Variants in AKR1C3 observed in about 807,000 individuals in gnomAD.
The protein encoded by AKR1C3 is 3-alpha hydroxysteroid dehydrogenase, type II.
Under a neutral mutation model 43.6 loss-of-function variants are expected in AKR1C3, and 48 were observed. That is an observed-to-expected ratio of 1.10 (90% CI 0.87 to 1.40). The LOEUF (loss-of-function observed/expected upper bound fraction) is 1.40, where lower values mean the gene tolerates loss of function less well. AKR1C3 is among the 40% of genes most tolerant of loss of function. AKR1C3 has a pLI of 0.00. For missense variants in AKR1C3, 482 were observed against 391.2 expected (o/e 1.23, Z -1.96); for synonymous variants, 162 against 139.6 (o/e 1.16, Z -1.13).
Position 5,102,576 on chromosome 10 carries a change from C to T in AKR1C3, c.772C>T (p.Arg258Cys), listed in dbSNP as rs62621365. ...GCGAACCCCAGCCCTGATTGCCCTG[C>T]GCTACCAGCTGCAGCGTGGGGTTGT... ...HKRTPALIAL[R>C]YQLQRGVVVL... The change falls in exon 7 of 9, where the codon CGC (arginine) becomes TGC (cysteine). Residue 258 changes from arginine (R) to cysteine (C), a missense_variant. Physicochemically the swap from Arg to Cys is radical, Grantham distance 180. Coordinates refer to ENST00000380554, the MANE Select transcript of AKR1C3 (RefSeq NM_003739.6). The T allele has an allele frequency of 6.9e-3, 10,795 of 1,557,554 alleles. 486 individuals carry two copies. In the Admixed American group the frequency reaches 0.095, roughly 14 times the overall value.
At chr10:5,053,685 C>T (rs1480369870) in intron 1 of AKR1C3, among the ~76,000 whole-genome samples, 1 of 152,220 alleles carries the variant, frequency 6.6e-6, no homozygotes, top group Non-Finnish European at 1.5e-5. Flanking sequence ...AAACAGGACA[C>T]CCTAACTGCT....
chr10:5,099,195 T>A (rs1839288090), intron 4 of AKR1C3, 132 bp from the exon 5 acceptor site: 2 of 1,468,028 alleles, frequency 1.4e-6, no homozygotes, highest in Non-Finnish European at 1.8e-6. Context: ...GAATTTTTCT[T>A]TTTTTGACAA....
At chr10:5,086,355 G>C (rs1838964118) in intron 1 of AKR1C3, among the ~76,000 whole-genome samples, 1 of 151,478 alleles carries the variant, frequency 6.6e-6, no homozygotes, top group African/African-American at 2.4e-5. Context: ...TTCAGGAGCA[G>C]GTTGTTCAGT....
intron 1 of AKR1C3, among the ~76,000 whole-genome samples, chr10:5,085,264 T>C (rs1341441650): frequency 1.3e-5 from 2 of 151,956 alleles, no homozygotes; most frequent in African/African-American, 4.8e-5. Flanking sequence ...ATACCTAATT[T>C]ATTGAGAGTT....
At chr10:5,075,186 T>G (rs528630500) in intron 1 of AKR1C3, among the ~76,000 whole-genome samples, 1 of 149,772 alleles carries the variant, frequency 6.7e-6, no homozygotes, top group South Asian at 2.2e-4. Flanking sequence ...TGCCAAGATT[T>G]AAGTCCCTCT....
intron 1 of AKR1C3, among the ~76,000 whole-genome samples, chr10:5,068,176 CATAATT>C (rs1183212670): frequency 1.3e-5 from 2 of 151,746 alleles, no homozygotes; most frequent in Non-Finnish European, 2.9e-5. Flanking sequence ...ACATAATAAT[CATAATT>C]ATAGTTGATG....
chr10:5,059,253 A>T (rs755466914), intron 1 of AKR1C3, among the ~76,000 whole-genome samples: 14 of 152,282 alleles, frequency 9.2e-5, no homozygotes, highest in Non-Finnish European at 1.6e-4. Context: ...CTTATGGGAG[A>T]AACTAGAAAA....
At chr10:5,099,532 C>G in intron 5 of AKR1C3, 83 bp downstream of exon 5, 1 of 1,591,390 alleles carries the variant, frequency 6.3e-7, no homozygotes, top group East Asian at 2.2e-5. Flanking sequence ...TTGTTTTGTC[C>G]CAGTTATCTT....
At chr10:5,092,396 TCTC>T (rs1839113221), upstream of AKR1C3, among the ~76,000 whole-genome samples, 2 of 151,970 alleles carry the variant, frequency 1.3e-5, no homozygotes, top group Non-Finnish European at 2.9e-5. Flanking sequence ...GGCTCCTGCT[TCTC>T]CTTCTCAGAA....
At chr10:5,105,345 C>G in intron 7 of AKR1C3, 1 of 309,904 alleles carries the variant, frequency 3.2e-6, no homozygotes, top group Non-Finnish European at 5.9e-6. Flanking sequence ...GCTGTTTCTT[C>G]TCCATTTTCT....
At chr10:5,091,837 A>C (rs1839097490), upstream of AKR1C3, among the ~76,000 whole-genome samples, 2 of 152,120 alleles carry the variant, frequency 1.3e-5, no homozygotes, top group Non-Finnish European at 2.9e-5. Flanking sequence ...ATAAAACCAA[A>C]CTTTCAAAAA....
chr10:5,063,939 G>T (rs1428162993), intron 1 of AKR1C3, among the ~76,000 whole-genome samples: 1 of 151,996 alleles, frequency 6.6e-6, no homozygotes, highest in Non-Finnish European at 1.5e-5. Context: ...CAATGTCATT[G>T]CCTCGCCAAC....
intron 1 of AKR1C3, among the ~76,000 whole-genome samples, chr10:5,087,376 C>A (rs1282088759): frequency 2.2e-5 from 1 of 45,364 alleles, no homozygotes. Flanking sequence ...TTTATCATTT[C>A]TTTCTTTTTT....
intron 1 of AKR1C3, chr10:5,077,902 T>A (rs904565342): frequency 1.6e-6 from 1 of 625,570 alleles, no homozygotes; most frequent in Non-Finnish European, 2.8e-6. Context: ...ATCATCAGAA[T>A]CATCTCTTTT....
intron 1 of AKR1C3, among the ~76,000 whole-genome samples, chr10:5,068,984 C>T (rs1041369151): frequency 6.6e-6 from 1 of 152,180 alleles, no homozygotes; most frequent in African/African-American, 2.4e-5. Flanking sequence ...TGTATTTTAC[C>T]AATAATCTTT....
chr10:5,089,574 A>G (rs1245838553), upstream of AKR1C3, among the ~76,000 whole-genome samples: 1 of 151,982 alleles, frequency 6.6e-6, no homozygotes, highest in Non-Finnish European at 1.5e-5. Flanking sequence ...CCTTCAGTGA[A>G]TTTTTTTGTT....
At chr10:5,104,311 G>T (rs1312621125) in intron 7 of AKR1C3, among the ~76,000 whole-genome samples, 1 of 152,036 alleles carries the variant, frequency 6.6e-6, no homozygotes, top group Non-Finnish European at 1.5e-5. Context: ...ATATGCACAT[G>T]GAATTTCTAA....
At chr10:5,060,774 G>A (rs1428755652) in intron 1 of AKR1C3, among the ~76,000 whole-genome samples, 1 of 135,334 alleles carries the variant, frequency 7.4e-6, no homozygotes. Context: ...CTGCACAGGA[G>A]CCCACAGAGG....
intron 1 of AKR1C3, chr10:5,077,586 G>A: frequency 2.4e-6 from 2 of 848,708 alleles, no homozygotes; most frequent in East Asian, 1.1e-4. Context: ...AAGACAATGG[G>A]TAAAACATTA....
Sources: allele counts gnomAD v4.1 joint callset (sites outside exome capture counted in the v4.1 genomes callset), GRCh38; gene constraint gnomAD v4.1.1; transcripts MANE v1.5; gene names NCBI Gene and HGNC (gene_info 2026-07-23, HGNC 2026-07-21).